The following ELL variants were observed in gnomAD, a reference collection of about 807,000 sequenced individuals.
ELL encodes RNA polymerase II elongation factor ELL.
Under a neutral mutation model 64.0 loss-of-function variants are expected in ELL, and 18 were observed. The observed-to-expected ratio is 0.28, with a 90% CI of 0.19 to 0.42. The LOEUF is 0.42. ELL is among the 10% of genes least tolerant of loss of function. The probability of loss-of-function intolerance (pLI) is 1.00; values close to 1 mark genes in which losing one functional copy is unlikely to be tolerated. For synonymous variants in ELL, 399 were observed against 376.2 expected (o/e 1.06, Z -0.70); for missense variants, 797 against 870.4 (o/e 0.92, Z 1.06).
chr19:18,488,935 C>T (rs1324500978), intron 1 of ELL, among the ~76,000 whole-genome samples: 1 of 152,202 alleles, frequency 6.6e-6, no homozygotes, highest in African/African-American at 2.4e-5. Flanking sequence ...GCGTCCTGGA[C>T]CGGCTGACCA....
At chr19:18,454,221 C>T (rs1377345375) in intron 6 of ELL, among the ~76,000 whole-genome samples, 2 of 152,188 alleles carry the variant, frequency 1.3e-5, no homozygotes, top group Non-Finnish European at 2.9e-5. Context: ...CCTTAGAGGC[C>T]GGGCCCGATG....
At chr19:18,455,951 A>G (rs777476149) in intron 6 of ELL, among the ~76,000 whole-genome samples, 1 of 152,036 alleles carries the variant, frequency 6.6e-6, no homozygotes, top group Non-Finnish European at 1.5e-5. Flanking sequence ...ATACAAAATT[A>G]GCCGGGCATG....
rs1375558353 is a variant in ELL, at chr19:18,501,720, A to G, written c.135+20201T>C. Among the ~76,000 whole-genome samples the G allele has an allele frequency of 1.3e-5, 2 of 152,222 alleles. No homozygotes were observed. Among genetic ancestry groups the G allele is most frequent in the Admixed American group, 1.3e-4 (2 of 15,292 alleles). On this transcript the variant is annotated intron_variant, in intron 1 of 11. Transcript: ENST00000262809. This position sits in a 1 kb window ranked among gnomAD's most constrained non-coding sequence, Gnocchi z 4.5. ...GGGGCCCAAGAGGTGATGGCATCAC[A>G]TAAAAGCAAAAGAAACTTGAAACCA...
At chr19:18,461,049 C>T (rs945508278) in intron 5 of ELL, among the ~76,000 whole-genome samples, 4 of 152,194 alleles carry the variant, frequency 2.6e-5, no homozygotes, top group Non-Finnish European at 5.9e-5. Context: ...GCTCCACTCG[C>T]CAGCACCACA....
chr19:18,453,808 A>G (rs983814912), intron 6 of ELL, among the ~76,000 whole-genome samples: 2 of 152,148 alleles, frequency 1.3e-5, no homozygotes, highest in African/African-American at 4.8e-5. Context: ...GGCTCAAGCA[A>G]TCCTCCCACC....
At chr19:18,474,442 C>G (rs546410972) in intron 1 of ELL, among the ~76,000 whole-genome samples, 7 of 152,338 alleles carry the variant, frequency 4.6e-5, no homozygotes, top group African/African-American at 1.7e-4. Context: ...TAGGGGAGAA[C>G]AGAGGGATGG....
intron 8 of ELL, among the ~76,000 whole-genome samples, chr19:18,447,404 T>C (rs1166800549): frequency 2.6e-5 from 4 of 152,168 alleles, no homozygotes; most frequent in African/African-American, 4.8e-5. Flanking sequence ...AGACACTGAA[T>C]TGCACGCTCC....
rs186099090 is a variant in ELL, at chr19:18,519,687, G to A, written c.135+2234C>T. 2.8e-4 allele frequency among the ~76,000 whole-genome samples: 42 copies of A among 151,912 alleles called. No individual in the cohort carries two copies. In the South Asian group the frequency reaches 2.9e-3, roughly 11 times the overall value. On this transcript the variant is annotated intron_variant, in intron 1 of 11. Transcript: ENST00000262809. The stretch of plus-strand genomic sequence containing the variant: ...CCGGGTGTGGTGGCACGTGCCTGTA[G>A]TCCCAGCTACTCGGGAGGCTGAGGC...
chr19:18,488,280 G>A lies in ELL; in HGVS notation c.136-15398C>T, dbSNP rs79203321. Among the ~76,000 whole-genome samples the A allele has an allele frequency of 7.3e-3, 1,109 of 152,256 alleles. 14 individuals are homozygous for A. The highest frequency in any genetic ancestry group is 8.6e-3 in the Non-Finnish European group (582 of 68,016). ...AAGATGCCCGTCCTTCAGAGCAAAC[G>A]GCCTGACAAGAAATGTCACCAAACT... On this transcript the variant is annotated intron_variant, in intron 1 of 11. Transcript: ENST00000262809.
In ELL at chr19:18,472,605, T is replaced by C. The variant is rs1975086732; in HGVS notation, c.183+230A>G. On this transcript the variant is annotated intron_variant, in intron 2 of 11. Coordinates refer to ENST00000262809, the MANE Select transcript of ELL (RefSeq NM_006532.4). ...CACATCGCTGCATGAAGGGAGCCAC[T>C]GGGAGAGGAGAGCCGCCCATTGCCC... The C allele has an allele frequency of 1.7e-5, 9 of 537,912 alleles. No individual in the cohort carries two copies. In the East Asian group the frequency reaches 2.8e-4, roughly 17 times the overall value. The allele number at this position is 537,912 out of a possible 1,614,324, so 33.3% of individuals were successfully genotyped here.
intron 1 of ELL, among the ~76,000 whole-genome samples, chr19:18,519,806 C>CA (rs1183522203): frequency 0.025 from 1,551 of 62,684 alleles, 33 homozygotes; most frequent in African/African-American, 0.06. Context: ...AACTCCATCT[C>CA]AAAAAAAAAA....
intron 1 of ELL, among the ~76,000 whole-genome samples, chr19:18,477,359 C>T (rs1258024289): frequency 6.6e-6 from 1 of 152,148 alleles, no homozygotes; most frequent in East Asian, 1.9e-4. Context: ...GACCTGCGGA[C>T]GACAGCAGGG....
chr19:18,500,408 G>A (rs1298998724), intron 1 of ELL, among the ~76,000 whole-genome samples: 1 of 152,284 alleles, frequency 6.6e-6, no homozygotes, highest in South Asian at 2.1e-4. Flanking sequence ...TGCCCTTCAA[G>A]AGGTCCACTT....
At chr19:18,457,245 C>G (rs180720142) in intron 6 of ELL, among the ~76,000 whole-genome samples, 5 of 152,236 alleles carry the variant, frequency 3.3e-5, no homozygotes, top group Non-Finnish European at 7.3e-5. Context: ...TGCAGCCCAG[C>G]CTTCTCCACC....
intron 6 of ELL, among the ~76,000 whole-genome samples, chr19:18,455,864 T>G (rs956301903): frequency 6.6e-6 from 1 of 152,102 alleles, no homozygotes; most frequent in East Asian, 1.9e-4. Context: ...TTTGGGAGGC[T>G]GAGGTGGGCG....
Position 18,446,780 on chromosome 19 carries a change from G to A in ELL, c.1500C>T (p.Pro500=), listed in dbSNP as rs200056265. Reference sequence around the variant, plus strand: ...AGTCAGGCGTCTCCGACGTGGACGTGGGAACACTGGAAACGCTGCAGGTTC... The same window carrying A: ...AGTCAGGCGTCTCCGACGTGGACGTAGGAACACTGGAAACGCTGCAGGTTC... ...LNGTCSVSSV[P]TSTSETPDYL... is the part of the protein sequence containing the mutation. Residue 500 remains proline, a synonymous_variant, in exon 9 of 12, where the codon CCC becomes CCT. Transcript: ENST00000262809. 4 of 1,614,042 alleles carry A rather than the reference G, an allele frequency of 2.5e-6. No individual in the cohort carries two copies. Among genetic ancestry groups the A allele is most frequent in the Admixed American group, 3.3e-5 (2 of 60,018 alleles).
chr19:18,489,917 G>C (rs987840264), intron 1 of ELL, among the ~76,000 whole-genome samples: 1 of 152,112 alleles, frequency 6.6e-6, no homozygotes, highest in Non-Finnish European at 1.5e-5. Context: ...CCTAGCACTA[G>C]GACAACAGAA....
intron 1 of ELL, among the ~76,000 whole-genome samples, chr19:18,493,761 C>T (rs1277033224): frequency 1.3e-5 from 2 of 152,204 alleles, no homozygotes; most frequent in African/African-American, 4.8e-5. Flanking sequence ...AAGTGGCCTA[C>T]AGGCCCACCA....
At chr19:18,503,854 C>T (rs1975830440) in intron 1 of ELL, among the ~76,000 whole-genome samples, 1 of 152,170 alleles carries the variant, frequency 6.6e-6, no homozygotes, top group South Asian at 2.1e-4. Context: ...TCATCACTCC[C>T]GTTCAGAATG....
Sources: gnomAD v4.1 joint callset for allele counts (sites outside exome capture counted in the v4.1 genomes callset) on GRCh38, gnomAD v4.1.1 for gene constraint, Gnocchi (gnomAD v3.1) non-coding constraint, MANE v1.5 for transcripts, NCBI Gene and HGNC (gene_info 2026-07-23, HGNC 2026-07-21) for gene names.